Variants in CD164 observed in about 807,000 individuals in gnomAD.
CD164 encodes the protein sialomucin core protein 24.
A neutral mutation model predicts 24.6 loss-of-function variants in CD164; 11 were observed. That is an observed-to-expected ratio of 0.45 (90% CI 0.28 to 0.74). CD164 has a LOEUF of 0.74. CD164 is among the 30% of genes least tolerant of loss of function. CD164 has a pLI of 0.13. For synonymous variants in CD164, 126 were observed against 100.3 expected (o/e 1.26, Z -1.53); for missense variants, 295 against 243.7 (o/e 1.21, Z -1.40).
intron 4 of CD164, chr6:109,372,136 T>A (rs1043555897): frequency 6.6e-6 from 1 of 152,140 alleles, no homozygotes; most frequent in African/African-American, 2.4e-5. Context: ...AAATGAGTAA[T>A]CTTTTCACTG....
intron 1 of CD164, chr6:109,381,722 T>C (rs1771761040): frequency 3.3e-6 from 2 of 600,960 alleles, no homozygotes; most frequent in Non-Finnish European, 5.9e-6. Context: ...TCTTTAAGTT[T>C]CTCTTTCCCG....
chr6:109,376,080 A>T lies in CD164; in HGVS notation c.364T>A (p.Ser122Thr). 6.4e-7 allele frequency: 1 copy of T among 1,572,314 alleles called. No homozygotes were observed. Among genetic ancestry groups the T allele is most frequent in the African/African-American group, 1.4e-5 (1 of 72,006 alleles). ...AACAGTCATCTTGAATTACCTGTAG[A>T]ATTGGCTGTTGGCACTGGAGTGGCC... ...STATPVPTANSTAKPTVQPSP... is the reference protein window; with the variant it reads ...STATPVPTANTTAKPTVQPSP... Residue 122 changes from serine to threonine, a missense_variant, in exon 4 of 6, where the codon TCT (serine) becomes ACT (threonine). Physicochemically the swap from Ser to Thr is moderately conservative, Grantham distance 58 (BLOSUM62 1). Transcript: ENST00000310786.
chr6:109,381,463 A>T (rs1771738152), intron 1 of CD164: 5 of 700,768 alleles, frequency 7.1e-6, no homozygotes, highest in African/African-American at 5.3e-5. Flanking sequence ...GAGTTTACTC[A>T]TCTCCGTCTC....
chr6:109,379,790 G>T (rs1356735676), intron 1 of CD164, 128 bp from the exon 2 acceptor site: 3 of 659,900 alleles, frequency 4.5e-6, no homozygotes, highest in East Asian at 5.7e-5. Context: ...TCAGATAAAT[G>T]ATAAAACTTT....
chr6:109,377,323 A>G (rs1771467097), intron 3 of CD164, among the ~76,000 whole-genome samples: 1 of 152,220 alleles, frequency 6.6e-6, no homozygotes, highest in South Asian at 2.1e-4. Context: ...CTATTCAATT[A>G]TTATCTATGC....
rs990709104 is a variant in CD164, at chr6:109,369,683, T to C, written c.428-666A>G. Among the ~76,000 whole-genome samples, 6 of 152,216 alleles carry C rather than the reference T, an allele frequency of 3.9e-5. No individual in the cohort carries two copies. In the East Asian group the frequency reaches 1.2e-3, roughly 29 times the overall value. On this transcript the variant is annotated intron_variant, in intron 5 of 5. Coordinates refer to ENST00000310786, the MANE Select transcript of CD164 (RefSeq NM_006016.6). The stretch of plus-strand genomic sequence containing the variant: ...CAAAGAACACTGGTTCTGGTGGCTG[T>C]ACAAGTTGGTAACTTTAATGACAAC...
At chr6:109,381,734 A>C in intron 1 of CD164, 1 of 589,612 alleles carries the variant, frequency 1.7e-6, no homozygotes, top group Non-Finnish European at 3.0e-6. Context: ...TCTTTCCCGG[A>C]CTTCCGGAGA....
intron 4 of CD164, chr6:109,371,688 CAA>C (rs761645204): frequency 2.0e-5 from 3 of 153,708 alleles, no homozygotes; most frequent in Non-Finnish European, 4.4e-5. Flanking sequence ...CAAATAAATT[CAA>C]AGTTTGCTGG....
chr6:109,379,671 T>G lies in CD164; in HGVS notation c.176-9A>C, dbSNP rs778520929. On this transcript the variant is annotated splice_polypyrimidine_tract_variant and intron_variant, in intron 1 of 5. Transcript: ENST00000310786. ...TCGACCTTCACAGGTTTCTGGGGAGTTGGGGGGAGAGATGCATGAAATCAA... is the reference window on the plus strand; with the variant it reads ...TCGACCTTCACAGGTTTCTGGGGAGGTGGGGGGAGAGATGCATGAAATCAA... The G allele has an allele frequency of 6.2e-7, 1 of 1,605,966 alleles. No homozygotes were observed. Among genetic ancestry groups the G allele is most frequent in the Non-Finnish European group, 8.5e-7 (1 of 1,175,786 alleles).
At chr6:109,375,565 C>A (rs964173311) in intron 4 of CD164, among the ~76,000 whole-genome samples, 1 of 146,698 alleles carries the variant, frequency 6.8e-6, no homozygotes, top group Non-Finnish European at 1.5e-5. Flanking sequence ...TGCAGTGAAC[C>A]GAGATCGTAC....
Position 109,375,422 on chromosome 6 carries a change from G to C in CD164, c.370+652C>G, listed in dbSNP as rs532595470. 2.0e-5 allele frequency among the ~76,000 whole-genome samples: 3 copies of C among 152,038 alleles called. No individual in the cohort carries two copies. In the East Asian group the frequency reaches 5.8e-4, roughly 29 times the overall value. On this transcript the variant is annotated intron_variant, in intron 4 of 5. Coordinates refer to ENST00000310786, the MANE Select transcript of CD164 (RefSeq NM_006016.6). ...ACTTTAAGTCAGGATTTCAAGACCA[G>C]CCTGGCCAATGTGGTGAAACCGTGA...
intron 1 of CD164, chr6:109,379,886 G>C (rs1771639313): frequency 4.7e-6 from 2 of 426,566 alleles, no homozygotes; most frequent in Admixed American, 8.4e-5. Flanking sequence ...TCTCAGTACA[G>C]TGCCTGATGG....
chr6:109,380,319 C>T (rs1420918674), intron 1 of CD164: 1 of 152,188 alleles, frequency 6.6e-6, no homozygotes, highest in African/African-American at 2.4e-5. Flanking sequence ...GTACTCATCA[C>T]CATAATTCAA....
chr6:109,379,742 G>C (rs1448325279), intron 1 of CD164, 80 bp from the exon 2 acceptor site: 1 of 1,058,504 alleles, frequency 9.4e-7, no homozygotes, highest in African/African-American at 1.6e-5. Context: ...TTATCTTTTT[G>C]AACAATAAGC....
At position 109,368,548 on chromosome 6, in the gene CD164, C is replaced by A; in HGVS notation, c.*303G>T. The A allele has an allele frequency of 7.5e-7, 1 of 1,330,794 alleles. No individual in the cohort carries two copies. Among genetic ancestry groups the A allele is most frequent in the Admixed American group, 3.8e-5 (1 of 26,650 alleles). 82.4% of individuals were successfully genotyped at this position (1,330,794 alleles called of 1,614,324 possible). A position where few individuals can be genotyped will look rare whatever the true frequency, so the allele number is the denominator to read the frequency against. ...TGTTGTCTGCACAAGACAACATTTTCCATCACTTTCAGAAAGTTATATTTG... is the reference window on the plus strand; with the variant it reads ...TGTTGTCTGCACAAGACAACATTTTACATCACTTTCAGAAAGTTATATTTG... On this transcript the variant is annotated 3_prime_UTR_variant, in exon 6 of 6. Transcript: ENST00000310786.
At chr6:109,377,422 C>G (rs995138340) in intron 3 of CD164, among the ~76,000 whole-genome samples, 1 of 151,882 alleles carries the variant, frequency 6.6e-6, no homozygotes. Context: ...TTTTGCTGGA[C>G]GAATAGTAAA....
At chr6:109,370,675 T>C (rs947729495) in intron 4 of CD164, 13 of 483,240 alleles carry the variant, frequency 2.7e-5, no homozygotes, top group Non-Finnish European at 4.1e-5. Flanking sequence ...TAAGCAATCA[T>C]AAAATTGTTA....
chr6:109,376,152 G>C (rs1378770684), intron 3 of CD164, 40 bp from the exon 4 acceptor site: 1 of 1,459,506 alleles, frequency 6.9e-7, no homozygotes, highest in Non-Finnish European at 9.2e-7. Flanking sequence ...ATACATCAAA[G>C]CTATTTAAAA....
rs1770915076 is a variant in CD164, at chr6:109,368,827, T to C, written c.*24A>G. On this transcript the variant is annotated 3_prime_UTR_variant, in exon 6 of 6. Transcript: ENST00000310786. ...GTGAGTTACACAAATGAATCACCAGTCCTTATTAATTCAATGGGTCTGTTT... is the reference window on the plus strand; with the variant it reads ...GTGAGTTACACAAATGAATCACCAGCCCTTATTAATTCAATGGGTCTGTTT... The C allele has an allele frequency of 6.9e-6, 11 of 1,598,320 alleles. No homozygotes were observed. Among genetic ancestry groups the C allele is most frequent in the Non-Finnish European group, 9.4e-6 (11 of 1,174,602 alleles).
Sources: gnomAD v4.1 joint callset for allele counts (sites outside exome capture counted in the v4.1 genomes callset) on GRCh38, gnomAD v4.1.1 for gene constraint, MANE v1.5 for transcripts, NCBI Gene and HGNC (gene_info 2026-07-23, HGNC 2026-07-21) for gene names.